Variants in PSD3 observed in about 807,000 individuals in gnomAD.
PSD3 encodes the protein PH and SEC7 domain-containing protein 3.
In PSD3, 49 loss-of-function variants were observed where a neutral mutation model predicts 105.5. The observed-to-expected ratio is 0.46, with a 90% CI of 0.37 to 0.59. The LOEUF (loss-of-function observed/expected upper bound fraction) is 0.59, where lower values mean the gene tolerates loss of function less well. Ranked by LOEUF, PSD3 falls within the 20% of genes least tolerant of loss-of-function variation. PSD3 has a pLI of 0.00. For missense variants in PSD3, 1,561 were observed against 1,263.8 expected (o/e 1.24, Z -3.57); for synonymous variants, 557 against 457.8 (o/e 1.22, Z -2.77).
chr8:18,977,412 T>TGGG (rs1434373452), intron 1 of PSD3, among the ~76,000 whole-genome samples: 1 of 152,102 alleles, frequency 6.6e-6, no homozygotes, highest in Non-Finnish European at 1.5e-5. Flanking sequence ...ATGGCTTTTG[T>TGGG]GGGGATTAAA....
chr8:18,957,452 C>G (rs774095862), intron 1 of PSD3, among the ~76,000 whole-genome samples: 1 of 151,984 alleles, frequency 6.6e-6, no homozygotes, highest in East Asian at 1.9e-4. Flanking sequence ...CTCAGGCAAA[C>G]AGTGAAAGGT....
At chr8:19,069,450 G>C (rs1829182341) in intron 1 of PSD3, among the ~76,000 whole-genome samples, 1 of 152,128 alleles carries the variant, frequency 6.6e-6, no homozygotes, top group Non-Finnish European at 1.5e-5. Flanking sequence ...AAAAGTGCTT[G>C]GGCAGAAGCT....
rs1185491519 is a variant in PSD3 at position 18,677,793 on chromosome 8, G to A, written c.2173-22108C>T. ...GTGGGAGGCGAGGCGGCCAGATCAC[G>A]AGGTCAGGAGATCAAAACCATCCTG... On this transcript the variant is annotated intron_variant, in intron 9 of 15. Coordinates refer to ENST00000327040, the MANE Select transcript of PSD3 (RefSeq NM_015310.4). 3.3e-5 allele frequency among the ~76,000 whole-genome samples: 5 copies of A among 152,048 alleles called. No homozygotes were observed. In the East Asian group the frequency reaches 7.7e-4, roughly 24 times the overall value.
At chr8:18,926,663 TGTAA>T (rs1440742824) in intron 2 of PSD3, among the ~76,000 whole-genome samples, 5 of 152,140 alleles carry the variant, frequency 3.3e-5, no homozygotes, top group African/African-American at 9.7e-5. Context: ...ACTGGAACCC[TGTAA>T]GTAAGAAAAA....
At chr8:18,973,711 A>T (rs1187774548) in intron 1 of PSD3, among the ~76,000 whole-genome samples, 1 of 152,182 alleles carries the variant, frequency 6.6e-6, no homozygotes, top group East Asian at 1.9e-4. Context: ...AAGGATACCA[A>T]TTGGATCTCT....
At chr8:18,817,101 G>C (rs866788732) in intron 4 of PSD3, among the ~76,000 whole-genome samples, 5 of 152,182 alleles carry the variant, frequency 3.3e-5, no homozygotes, top group Non-Finnish European at 4.4e-5. Flanking sequence ...GAGTGAGCAA[G>C]GGGAAGAGGA....
intron 8 of PSD3, among the ~76,000 whole-genome samples, chr8:18,773,252 A>C (rs1807715577): frequency 6.6e-6 from 1 of 152,142 alleles, no homozygotes; most frequent in Admixed American, 6.5e-5. Context: ...TATTCACACT[A>C]CCATTTTTTA....
intron 1 of PSD3, among the ~76,000 whole-genome samples, chr8:18,969,829 G>T (rs890393488): frequency 3.7e-4 from 56 of 151,960 alleles, no homozygotes; most frequent in African/African-American, 1.3e-3. Flanking sequence ...ATCATTATGG[G>T]TCTGTAGACA....
intron 11 of PSD3, among the ~76,000 whole-genome samples, 178 bp downstream of exon 11, chr8:18,632,435 A>G (rs1806969572): frequency 6.6e-6 from 1 of 152,090 alleles, no homozygotes; most frequent in Admixed American, 6.6e-5. Context: ...TTCTGCTTAG[A>G]GAAGAGCAGG....
intron 10 of PSD3, among the ~76,000 whole-genome samples, chr8:18,642,536 T>C (rs1807726184): frequency 6.6e-6 from 1 of 152,146 alleles, no homozygotes; most frequent in Non-Finnish European, 1.5e-5. Flanking sequence ...CTTAGCATAC[T>C]AAGAAAAATG....
chr8:18,917,657 T>C (rs1820711886), intron 2 of PSD3, among the ~76,000 whole-genome samples: 1 of 152,188 alleles, frequency 6.6e-6, no homozygotes, highest in Non-Finnish European at 1.5e-5. Context: ...TATCCTTTTA[T>C]TACAGCTAGT....
chr8:18,885,767 G>A (rs1563384647), intron 2 of PSD3, among the ~76,000 whole-genome samples: 1 of 152,174 alleles, frequency 6.6e-6, no homozygotes. Flanking sequence ...ATTTTGCAGA[G>A]AGTTGAAAGT....
intron 1 of PSD3, among the ~76,000 whole-genome samples, chr8:19,070,337 G>T (rs1188347023): frequency 6.9e-6 from 1 of 145,948 alleles, no homozygotes; most frequent in Non-Finnish European, 1.5e-5. Context: ...TATGACTGAT[G>T]TATTTACACT....
chr8:18,878,522 C>T (rs1344436264), intron 2 of PSD3, among the ~76,000 whole-genome samples: 1 of 152,194 alleles, frequency 6.6e-6, no homozygotes, highest in East Asian at 1.9e-4. Flanking sequence ...AATCCTAATA[C>T]ACACTGGAAA....
At chr8:18,981,848 A>C (rs1201087652) in intron 1 of PSD3, among the ~76,000 whole-genome samples, 1 of 152,226 alleles carries the variant, frequency 6.6e-6, no homozygotes, top group East Asian at 1.9e-4. Context: ...TTGCTGATGG[A>C]AGGTCTTTCC....
intron 4 of PSD3, among the ~76,000 whole-genome samples, chr8:18,851,514 G>A (rs1004103803): frequency 2.6e-5 from 4 of 152,208 alleles, no homozygotes; most frequent in Non-Finnish European, 2.9e-5. Context: ...CCTCTGCTAC[G>A]AGGCAAGCTC....
intron 1 of PSD3, among the ~76,000 whole-genome samples, chr8:19,010,732 T>G (rs1194911795): frequency 2.0e-5 from 3 of 152,114 alleles, no homozygotes; most frequent in African/African-American, 7.2e-5. Flanking sequence ...TGTCAAGATA[T>G]GGGCACTCCG....
intron 9 of PSD3, among the ~76,000 whole-genome samples, chr8:18,673,159 G>A (rs1799879444): frequency 6.6e-6 from 1 of 151,548 alleles, no homozygotes; most frequent in African/African-American, 2.4e-5. Context: ...GCAGAACTCT[G>A]GAAAGTGAAC....
chr8:19,070,845 T>C (rs1439137756), intron 1 of PSD3, among the ~76,000 whole-genome samples: 1 of 152,178 alleles, frequency 6.6e-6, no homozygotes, highest in East Asian at 1.9e-4. Flanking sequence ...TCCAGGACAT[T>C]GTATCCAGAT....
Sources: gnomAD v4.1 joint callset for allele counts (sites outside exome capture counted in the v4.1 genomes callset) on GRCh38, gnomAD v4.1.1 for gene constraint, MANE v1.5 for transcripts, NCBI Gene and HGNC (gene_info 2026-07-23, HGNC 2026-07-21) for gene names.